BIRC6: variants seen among roughly 807,000 people sequenced by gnomAD.
BIRC6 encodes baculoviral IAP repeat containing 6, also known as dual E2 ubiquitin-conjugating enzyme/E3 ubiquitin-protein ligase BIRC6.
BIRC6 carries 98 observed loss-of-function variants against 503.3 expected under a neutral mutation model. The observed-to-expected ratio is 0.19, with a 90% CI of 0.17 to 0.23. The LOEUF (loss-of-function observed/expected upper bound fraction) is 0.23, where lower values mean the gene tolerates loss of function less well. BIRC6 is among the 10% of genes least tolerant of loss of function. BIRC6 has a pLI of 1.00. For synonymous variants in BIRC6, 2,240 were observed against 2,078.7 expected, an observed-to-expected ratio of 1.08 and a Z score of -2.11; for missense variants, 5,360 against 5,806.0, an observed-to-expected ratio of 0.92 and a Z score of 2.50.
intron 1 of BIRC6, among the ~76,000 whole-genome samples, chr2:32,368,251 A>C (rs1053215787): frequency 6.6e-6 from 1 of 151,954 alleles, no homozygotes; most frequent in South Asian, 2.1e-4. Flanking sequence ...TAGGAGTTCA[A>C]ACTCCCTGGC....
At chr2:32,553,411 A>G (rs181640179) in intron 65 of BIRC6, among the ~76,000 whole-genome samples, 3 of 151,856 alleles carry the variant, frequency 2.0e-5, no homozygotes, top group East Asian at 1.9e-4. Flanking sequence ...TTTTTGAGAC[A>G]GAGTCTCATT....
intron 21 of BIRC6, 83 bp from the exon 22 acceptor site, chr2:32,448,712 G>C: frequency 3.0e-6 from 4 of 1,328,074 alleles, no homozygotes; most frequent in Non-Finnish European, 4.2e-6. Context: ...CTGTTAGTCA[G>C]ACTGCTTTTA....
At chr2:32,517,377 A>G (rs2055166593) in intron 55 of BIRC6, among the ~76,000 whole-genome samples, 1 of 152,142 alleles carries the variant, frequency 6.6e-6, no homozygotes. Flanking sequence ...AAGAAGAGAA[A>G]GATATTTAAC....
chr2:32,615,269 C>T (rs999409009), intron 73 of BIRC6, among the ~76,000 whole-genome samples: 3 of 152,106 alleles, frequency 2.0e-5, no homozygotes, highest in African/African-American at 7.2e-5. Context: ...TAGATCAATC[C>T]CCAACCTTAA....
intron 63 of BIRC6, among the ~76,000 whole-genome samples, chr2:32,546,134 A>T (rs1413836374): frequency 6.6e-6 from 1 of 152,190 alleles, no homozygotes; most frequent in Non-Finnish European, 1.5e-5. Flanking sequence ...TTATACTGTG[A>T]TCCTTCTTCC....
intron 45 of BIRC6, among the ~76,000 whole-genome samples, chr2:32,497,611 T>C (rs918141607): frequency 6.6e-5 from 10 of 152,228 alleles, no homozygotes; most frequent in Admixed American, 4.6e-4. Flanking sequence ...TCCTTTACAT[T>C]GTTGTATTTG....
At chr2:32,477,335 A>T in intron 34 of BIRC6, 33 bp from the exon 35 acceptor site, 2 of 1,592,776 alleles carry the variant, frequency 1.3e-6, no homozygotes, top group South Asian at 2.3e-5. Context: ...TTAAGTAAAC[A>T]TTGATTTAAA....
intron 45 of BIRC6, among the ~76,000 whole-genome samples, chr2:32,496,252 A>G (rs1281666546): frequency 1.3e-5 from 2 of 150,190 alleles, no homozygotes; most frequent in Non-Finnish European, 3.0e-5. Flanking sequence ...TTTTGAGACA[A>G]CTTTGCTCTG....
rs58379253 is a variant in BIRC6 at position 32,609,285 on chromosome 2, C to CTGTGTGTGTGTGTGTG, written c.14259+1654_14259+1669dup. ...TTTCACGTCATCCTGAAGTGTGGCT[C>CTGTGTGTGTGTGTGTG]TGTGTGTGTGTGTGTGTGTGTGTGT... On this transcript the variant is annotated intron_variant, in intron 72 of 73. Coordinates refer to ENST00000421745, the MANE Select transcript of BIRC6 (RefSeq NM_016252.4). Among the ~76,000 whole-genome samples the CTGTGTGTGTGTGTGTG allele has an allele frequency of 3.1e-3, 465 of 147,642 alleles. 1 individual carries two copies. The highest frequency in any genetic ancestry group is 7.0e-3 in the South Asian group (32 of 4,604).
chr2:32,547,836 T>G lies in BIRC6; in HGVS notation c.12811-14T>G. ...AACAAATTGTAATGGATTTTCATTT[T>G]TTGTTATTTTAAGCCACAGGTGTCA... is the stretch of plus-strand genomic sequence containing the variant. On this transcript the variant is annotated splice_polypyrimidine_tract_variant and intron_variant, in intron 63 of 73. Coordinates refer to ENST00000421745, the MANE Select transcript of BIRC6 (RefSeq NM_016252.4). 1 of 1,533,606 alleles carries G rather than the reference T, an allele frequency of 6.5e-7. No individual in the cohort carries two copies. Among genetic ancestry groups the G allele is most frequent in the Non-Finnish European group, 8.8e-7 (1 of 1,142,340 alleles). 95.0% of individuals were successfully genotyped at this position (1,533,606 alleles called of 1,614,324 possible).
chr2:32,617,785 C>T lies in BIRC6; in HGVS notation c.14455C>T (p.Pro4819Ser), dbSNP rs1248303541. The change falls in exon 74 of 74, where the codon CCT (proline) becomes TCT (serine). Residue 4819 changes from proline (P) to serine (S), a missense_variant. Transcript: ENST00000421745. ...LKLPCPEGLD[P>S]DTDDAPEVCR... The stretch of plus-strand genomic sequence containing the variant: ...ACTTCCCTGCCCTGAAGGCTTGGAT[C>T]CTGACACTGACGATGCCCCAGAGGT... 3 of 1,613,924 alleles carry T rather than the reference C, an allele frequency of 1.9e-6. No homozygotes were observed. The highest frequency in any genetic ancestry group is 1.7e-6 in the Non-Finnish European group (2 of 1,179,906).
chr2:32,466,891 G>T (rs916466189), intron 26 of BIRC6, among the ~76,000 whole-genome samples: 1 of 151,934 alleles, frequency 6.6e-6, no homozygotes, highest in Admixed American at 6.6e-5. Context: ...AGGCCGAGGC[G>T]GGTGGATCAC....
intron 40 of BIRC6, 43 bp downstream of exon 40, chr2:32,485,802 C>T (rs1451513611): frequency 2.4e-6 from 3 of 1,266,264 alleles, no homozygotes; most frequent in Non-Finnish European, 3.4e-6. Flanking sequence ...GTGAATGATT[C>T]AGCTCTTCAT....
At chr2:32,500,542 C>T (rs766034741) in intron 46 of BIRC6, among the ~76,000 whole-genome samples, 5 of 151,816 alleles carry the variant, frequency 3.3e-5, no homozygotes, top group East Asian at 1.9e-4. Flanking sequence ...CTCAGCCTAC[C>T]GAGTAGCTGG....
In BIRC6 at chr2:32,467,787, C is replaced by A. The variant is rs190390347; in HGVS notation, c.5571+48C>A. Reference sequence around the variant, plus strand: ...ATTGATACGCTTTCTATGTTTCTGACAAGTTATGAAAAATGAATATATAAT... The same window carrying A: ...ATTGATACGCTTTCTATGTTTCTGAAAAGTTATGAAAAATGAATATATAAT... On this transcript the variant is annotated intron_variant, in intron 27 of 73. Coordinates refer to ENST00000421745, the MANE Select transcript of BIRC6 (RefSeq NM_016252.4). 2.8e-3 allele frequency: 4,232 copies of A among 1,510,906 alleles called. 11 individuals carry two copies. The highest frequency in any genetic ancestry group is 3.2e-3 in the Non-Finnish European group (3,615 of 1,121,354). The allele number at this position is 1,510,906 out of a possible 1,614,324, so 93.6% of individuals were successfully genotyped here.
chr2:32,442,023 C>G (rs1211208010), intron 17 of BIRC6, 42 bp from the exon 18 acceptor site: 3 of 1,384,376 alleles, frequency 2.2e-6, no homozygotes, highest in Non-Finnish European at 2.9e-6. Context: ...TTTAGTTGTT[C>G]TGTTTTGTTT....
chr2:32,507,332 C>T (rs2053910694), intron 50 of BIRC6, among the ~76,000 whole-genome samples: 2 of 152,068 alleles, frequency 1.3e-5, no homozygotes, highest in South Asian at 2.1e-4. Flanking sequence ...CTGGAGGCTA[C>T]GGCAGGAGAA....
At chr2:32,432,286 C>T (rs1213236936) in intron 12 of BIRC6, among the ~76,000 whole-genome samples, 2 of 152,096 alleles carry the variant, frequency 1.3e-5, no homozygotes, top group Non-Finnish European at 2.9e-5. Context: ...TGTGGTGGTG[C>T]ACACCTGTAA....
intron 16 of BIRC6, among the ~76,000 whole-genome samples, chr2:32,441,095 ATCAT>A (rs2045383002): frequency 6.6e-6 from 1 of 151,976 alleles, no homozygotes; most frequent in Non-Finnish European, 1.5e-5. Context: ...ATCATCTGTA[ATCAT>A]TGGGTTATTG....
Sources: allele counts gnomAD v4.1 joint callset (sites outside exome capture counted in the v4.1 genomes callset), GRCh38; gene constraint gnomAD v4.1.1; transcripts MANE v1.5; gene names NCBI Gene and HGNC (gene_info 2026-07-23, HGNC 2026-07-21).